The following NBPF4 variants were observed in gnomAD, a reference collection of about 807,000 sequenced individuals.
NBPF4 encodes the protein NBPF family member NBPF4.
A neutral mutation model predicts 21.1 loss-of-function variants in NBPF4; 11 were observed. That is an observed-to-expected ratio of 0.52 (90% confidence interval 0.33 to 0.86). The LOEUF (loss-of-function observed/expected upper bound fraction) is 0.86, where lower values mean the gene tolerates loss of function less well. NBPF4 is among the 40% of genes least tolerant of loss of function. The probability of loss-of-function intolerance (pLI) is 0.03; values close to 1 mark genes in which losing one functional copy is unlikely to be tolerated. For missense variants in NBPF4, 88 were observed against 265.3 expected (o/e 0.33, Z 4.64); for synonymous variants, 47 against 106.4 (o/e 0.44, Z 3.43).
the NBPF4 span, among the ~76,000 whole-genome samples, chr1:108,257,571 T>A: frequency 6.9e-6 from 1 of 145,310 alleles, no homozygotes; most frequent in South Asian, 2.2e-4. Flanking sequence ...TTTTTACTTA[T>A]TTTTATACAC....
upstream of NBPF4, among the ~76,000 whole-genome samples, chr1:108,246,119 T>C (rs1442216161): frequency 8.8e-6 from 1 of 114,216 alleles, no homozygotes; most frequent in Non-Finnish European, 1.8e-5. Flanking sequence ...CACCAGAGAA[T>C]AGATAAATTT....
the NBPF4 span, among the ~76,000 whole-genome samples, chr1:108,264,680 TAACA>T: frequency 1.2e-4 from 8 of 68,954 alleles, no homozygotes; most frequent in Admixed American, 9.5e-4. Flanking sequence ...ACTGAAATAA[TAACA>T]AACAGTCTCT....
At chr1:108,247,771 C>T (rs1416270178), upstream of NBPF4, among the ~76,000 whole-genome samples, 1 of 148,916 alleles carries the variant, frequency 6.7e-6, no homozygotes, top group Non-Finnish European at 1.5e-5. Context: ...TCATTTAATA[C>T]ATTTCCTCAC....
Position 108,229,123 on chromosome 1 carries a change from C to T in NBPF4, c.1457G>A (p.Trp486Ter). ...PTEAACPQGT[W>*]SGDLSHHQSE... ...CTGGTGGTGGCTCAAGTCTCCACTCCAAGTCCCTTGGGGACAGGCCGCCTC... is the reference window on the plus strand; with the variant it reads ...CTGGTGGTGGCTCAAGTCTCCACTCTAAGTCCCTTGGGGACAGGCCGCCTC... Residue 486 changes from tryptophan to a stop codon, truncating the protein, a stop_gained, in exon 13 of 15, where the codon TGG becomes TAG. Transcript: ENST00000415641. LOFTEE classifies it high-confidence loss of function. 1 of 1,551,006 alleles carries T rather than the reference C, an allele frequency of 6.4e-7. No individual in the cohort carries two copies. Among genetic ancestry groups the T allele is most frequent in the Non-Finnish European group, 8.7e-7 (1 of 1,146,498 alleles).
At chr1:108,245,448 ATC>A (rs1477590007), upstream of NBPF4, among the ~76,000 whole-genome samples, 1 of 62,984 alleles carries the variant, frequency 1.6e-5, no homozygotes, top group Non-Finnish European at 2.9e-5. Context: ...CAGAATGAAA[ATC>A]TGTCTAGTTT....
chr1:108,265,171 C>A, the NBPF4 span, among the ~76,000 whole-genome samples: 1 of 150,388 alleles, frequency 6.6e-6, no homozygotes, highest in African/African-American at 2.4e-5. Context: ...CCAGAATCCA[C>A]AATGAACTCA....
Position 108,241,337 on chromosome 1 carries a change from TATACAC to T in NBPF4, c.279-179_279-174del, listed in dbSNP as rs1293612591. Among the ~76,000 whole-genome samples, 107 of 94,484 alleles carry T rather than the reference TATACAC, an allele frequency of 1.1e-3. No homozygotes were observed. The East Asian group carries it at 0.035, about 31-fold the overall frequency. 62.0% of individuals were successfully genotyped at this position (94,484 alleles called of 152,430 possible). A position where few individuals can be genotyped will look rare whatever the true frequency, so the allele number is the denominator to read the frequency against. ...AGAAAGAAGAATATATATATATATATATACACACACACACACACACACACATACATA... is the reference window on the plus strand; with the variant it reads ...AGAAAGAAGAATATATATATATATATACACACACACACACACACATACATA... On this transcript the variant is annotated intron_variant, in intron 3 of 14. Coordinates refer to ENST00000415641, the MANE Select transcript of NBPF4 (RefSeq NM_001143989.3).
At chr1:108,252,517 A>G in the NBPF4 span, among the ~76,000 whole-genome samples, 6 of 51,764 alleles carry the variant, frequency 1.2e-4, no homozygotes, top group East Asian at 3.4e-3. Flanking sequence ...TCTTTATTAT[A>G]TAAGAATTCA....
intron 3 of NBPF4, among the ~76,000 whole-genome samples, chr1:108,241,435 C>G (rs893998): frequency 0.073 from 9,282 of 127,570 alleles, 319 homozygotes; most frequent in African/African-American, 0.13. Flanking sequence ...ATATGAGAGA[C>G]TGCTTCTGTA....
upstream of NBPF4, among the ~76,000 whole-genome samples, chr1:108,244,882 C>T (rs1359572845): frequency 1.3e-4 from 2 of 15,560 alleles, no homozygotes; most frequent in African/African-American, 2.2e-4. Context: ...TTGAACGCTT[C>T]TCAGGGAATA....
chr1:108,268,738 G>A, the NBPF4 span, among the ~76,000 whole-genome samples: 7 of 147,330 alleles, frequency 4.8e-5, no homozygotes, highest in Admixed American at 6.9e-5. Flanking sequence ...ATTGTAATTT[G>A]AGAATTTAAG....
At chr1:108,246,293 C>G (rs1649846418), upstream of NBPF4, among the ~76,000 whole-genome samples, 2 of 127,452 alleles carry the variant, frequency 1.6e-5, no homozygotes. Context: ...ACCCTGAACT[C>G]AGATACAACA....
Position 108,223,733 on chromosome 1 carries a change from G to A in NBPF4, c.1889C>T (p.Ala630Val). 6.4e-7 allele frequency: 1 copy of A among 1,557,294 alleles called. No homozygotes were observed. Among genetic ancestry groups the A allele is most frequent in the Non-Finnish European group, 8.7e-7 (1 of 1,150,204 alleles). ...TCCTGCCATCCTTTGCGTCCTTCCA[G>A]CAGTATTTGGTATCTGTAGGGGAGA... ...HAESAEIPNT[A>V]GRTQRMAG The change falls in exon 15 of 15, where the codon GCT becomes GTT. Residue 630 changes from alanine (A) to valine (V), a missense_variant. Physicochemically the swap from Ala to Val is moderately conservative, Grantham distance 64 (BLOSUM62 0). Transcript: ENST00000415641.
At chr1:108,248,156 G>C (rs1649898368), upstream of NBPF4, among the ~76,000 whole-genome samples, 1 of 151,580 alleles carries the variant, frequency 6.6e-6, no homozygotes, top group Non-Finnish European at 1.5e-5. Context: ...CATAATGTTT[G>C]AGTCTGTATT....
chr1:108,244,959 T>TAGAG (rs1649798792), upstream of NBPF4, among the ~76,000 whole-genome samples: 1 of 82,780 alleles, frequency 1.2e-5, no homozygotes, highest in African/African-American at 4.6e-5. Context: ...CACACACATA[T>TAGAG]AGAGTTGCTC....
At chr1:108,241,371 T>C (rs1404110331) in intron 3 of NBPF4, among the ~76,000 whole-genome samples, 1 of 143,486 alleles carries the variant, frequency 7.0e-6, no homozygotes, top group Non-Finnish European at 1.5e-5. Context: ...CATACATATA[T>C]ACAAACATAC....
At chr1:108,267,943 AT>A in the NBPF4 span, among the ~76,000 whole-genome samples, 1 of 121,272 alleles carries the variant, frequency 8.2e-6, no homozygotes, top group Non-Finnish European at 1.7e-5. Flanking sequence ...TTATTTATTT[AT>A]TTATTTTTAA....
intron 14 of NBPF4, among the ~76,000 whole-genome samples, chr1:108,226,431 T>C (rs1649474959): frequency 6.6e-6 from 1 of 150,612 alleles, no homozygotes; most frequent in Non-Finnish European, 1.5e-5. Flanking sequence ...GGCTCTCCTG[T>C]GGCCATGAGA....
chr1:108,266,219 T>C, the NBPF4 span, among the ~76,000 whole-genome samples: 1 of 144,704 alleles, frequency 6.9e-6, no homozygotes, highest in Non-Finnish European at 1.5e-5. Flanking sequence ...GAGAGAAAAT[T>C]CAAATAAACA....
Sources: gnomAD v4.1 joint callset for allele counts (sites outside exome capture counted in the v4.1 genomes callset) on GRCh38, gnomAD v4.1.1 for gene constraint, MANE v1.5 for transcripts, NCBI Gene and HGNC (gene_info 2026-07-23, HGNC 2026-07-21) for gene names.